HEATR5B: variants seen among roughly 807,000 people sequenced by gnomAD.
HEATR5B encodes HEAT repeat-containing protein 5B.
HEATR5B carries 156 observed loss-of-function variants against 224.1 expected under a neutral mutation model. The observed-to-expected ratio is 0.70, with a 90% CI of 0.61 to 0.80. The LOEUF (loss-of-function observed/expected upper bound fraction) is 0.80, where lower values mean the gene tolerates loss of function less well. Ranked by LOEUF, HEATR5B falls within the 30% of genes least tolerant of loss-of-function variation. HEATR5B has a pLI of 0.00. For missense variants in HEATR5B, 2,323 were observed against 2,535.5 expected, an observed-to-expected ratio of 0.92 and a Z score of 1.80; for synonymous variants, 1,027 against 893.0, an observed-to-expected ratio of 1.15 and a Z score of -2.68.
chr2:37,009,163 C>T (rs1016375335), intron 27 of HEATR5B, among the ~76,000 whole-genome samples: 1 of 143,836 alleles, frequency 7.0e-6, no homozygotes, highest in Non-Finnish European at 1.5e-5. Context: ...GAGGCTGAGG[C>T]AGGGGAATCG....
At chr2:36,988,350 A>G (rs1366369901) in intron 35 of HEATR5B, among the ~76,000 whole-genome samples, 5 of 151,698 alleles carry the variant, frequency 3.3e-5, no homozygotes, top group Non-Finnish European at 5.9e-5. Context: ...GCAACCTCCA[A>G]CTCCCGGGTC....
chr2:37,080,542 T>C (rs576141063), intron 2 of HEATR5B, among the ~76,000 whole-genome samples: 25 of 152,222 alleles, frequency 1.6e-4, no homozygotes. Flanking sequence ...AATGACTCTA[T>C]GGTTTTCCCT....
chr2:37,071,212 G>C (rs550907320), intron 6 of HEATR5B, among the ~76,000 whole-genome samples: 1 of 152,192 alleles, frequency 6.6e-6, no homozygotes, highest in Admixed American at 6.5e-5. Flanking sequence ...TCAAAGAAGT[G>C]AAATAGGGTT....
intron 20 of HEATR5B, among the ~76,000 whole-genome samples, chr2:37,039,056 C>T (rs980123158): frequency 6.6e-6 from 1 of 151,720 alleles, no homozygotes; most frequent in Non-Finnish European, 1.5e-5. Context: ...CGTGGAGGCT[C>T]GTGCCTGTAA....
intron 4 of HEATR5B, 61 bp from the exon 5 acceptor site, chr2:37,075,695 A>T: frequency 7.3e-7 from 1 of 1,371,404 alleles, no homozygotes. Context: ...AAACAAGAAC[A>T]CACCAAGACA....
intron 33 of HEATR5B, among the ~76,000 whole-genome samples, chr2:36,993,166 T>C (rs960224635): frequency 7.9e-5 from 12 of 151,938 alleles, no homozygotes; most frequent in African/African-American, 2.9e-4. Flanking sequence ...ATCTTGGGGC[T>C]AGAAAGTATG....
chr2:36,989,980 C>T (rs1024045686), intron 34 of HEATR5B, among the ~76,000 whole-genome samples: 2 of 134,750 alleles, frequency 1.5e-5, no homozygotes, highest in Non-Finnish European at 3.1e-5. Flanking sequence ...ACAATCTCAA[C>T]TCACTCCACC....
At chr2:37,013,276 T>C (rs1667905811) in intron 27 of HEATR5B, among the ~76,000 whole-genome samples, 1 of 152,218 alleles carries the variant, frequency 6.6e-6, no homozygotes, top group African/African-American at 2.4e-5. Flanking sequence ...GGAGGGCAGA[T>C]GATAAGAATT....
chr2:37,005,244 A>G lies in HEATR5B; in HGVS notation c.4905+388T>C, dbSNP rs535857519. ...TTTCTGAGAGGAAAACCCGTCCCGCATGTGTTGCCTCACTAATTCCTCTTG... is the reference window on the plus strand; with the variant it reads ...TTTCTGAGAGGAAAACCCGTCCCGCGTGTGTTGCCTCACTAATTCCTCTTG... On this transcript the variant is annotated intron_variant, in intron 30 of 35. Coordinates refer to ENST00000233099, the MANE Select transcript of HEATR5B (RefSeq NM_019024.3). 2.6e-5 allele frequency among the ~76,000 whole-genome samples: 4 copies of G among 152,266 alleles called. No homozygotes were observed. In the South Asian group the frequency reaches 8.3e-4, roughly 32 times the overall value.
intron 21 of HEATR5B, among the ~76,000 whole-genome samples, chr2:37,036,658 C>T (rs771834049): frequency 6.6e-6 from 1 of 151,900 alleles, no homozygotes; most frequent in Non-Finnish European, 1.5e-5. Context: ...ATTATAGGCA[C>T]CCGCCACCAC....
At chr2:37,069,036 G>T in intron 7 of HEATR5B, 106 bp from the exon 8 acceptor site, 1 of 1,170,706 alleles carries the variant, frequency 8.5e-7, no homozygotes, top group South Asian at 1.6e-5. Context: ...TGAATGAATT[G>T]TATTTGAGGC....
intron 19 of HEATR5B, 126 bp downstream of exon 19, chr2:37,041,007 A>G (rs1252400875): frequency 1.4e-5 from 10 of 701,498 alleles, no homozygotes; most frequent in African/African-American, 3.6e-5. Context: ...GCTATGTACT[A>G]TTACAAAAAC....
intron 6 of HEATR5B, among the ~76,000 whole-genome samples, chr2:37,071,292 G>A (rs926246185): frequency 6.6e-6 from 1 of 152,160 alleles, no homozygotes; most frequent in Non-Finnish European, 1.5e-5. Context: ...TGATACAGAG[G>A]TGGGGTAGAG....
intron 33 of HEATR5B, among the ~76,000 whole-genome samples, chr2:37,000,091 C>G (rs1032443484): frequency 6.6e-6 from 1 of 151,778 alleles, no homozygotes; most frequent in Non-Finnish European, 1.5e-5. Flanking sequence ...TTTTTTGAGA[C>G]AGAGTTTCAA....
chr2:36,992,451 C>T (rs919350368), intron 33 of HEATR5B, among the ~76,000 whole-genome samples: 3 of 151,506 alleles, frequency 2.0e-5, no homozygotes, highest in Non-Finnish European at 2.9e-5. Flanking sequence ...CTTGGTGGTG[C>T]ATGCCTGCAG....
chr2:36,993,289 C>A (rs1666460294), intron 33 of HEATR5B, among the ~76,000 whole-genome samples: 1 of 151,932 alleles, frequency 6.6e-6, no homozygotes, highest in Non-Finnish European at 1.5e-5. Context: ...TCAATCCCAA[C>A]ACTTTGGGAG....
intron 26 of HEATR5B, among the ~76,000 whole-genome samples, chr2:37,017,325 G>A (rs1192503767): frequency 2.6e-5 from 4 of 151,754 alleles, no homozygotes; most frequent in Non-Finnish European, 4.4e-5. Flanking sequence ...CTCGGGAGGC[G>A]GAGGGTGCAG....
Position 37,068,718 on chromosome 2 carries a change from T to G in HEATR5B, c.1140A>C (p.Glu380Asp), listed in dbSNP as rs1353558854. The change falls in exon 8 of 36, where the codon GAA becomes GAC. Residue 380 changes from glutamate to aspartate, a missense_variant. This residue lies in a region of HEATR5B where 502 missense variants were observed against 517.8 expected (regional missense o/e 0.97). Coordinates refer to ENST00000233099, the MANE Select transcript of HEATR5B (RefSeq NM_019024.3). ...TTTGTTTTCCAATAGCTTGGCAGAT[T>G]TCTTTGGCAGCTGCAATCTGGGCTT... ...GEKAQIAAAK[E>D]ICQAIGKQMK... 1.2e-6 allele frequency: 2 copies of G among 1,614,154 alleles called. No homozygotes were observed. Among genetic ancestry groups the G allele is most frequent in the South Asian group, 2.2e-5 (2 of 91,082 alleles).
chr2:37,008,890 T>TA (rs752466892), intron 27 of HEATR5B, 42 bp from the exon 28 acceptor site: 5 of 1,150,268 alleles, frequency 4.3e-6, no homozygotes, highest in Non-Finnish European at 6.3e-6. Flanking sequence ...AGGCATAAGA[T>TA]AAAAAAATAA....
Sources: gnomAD v4.1 joint callset for allele counts (sites outside exome capture counted in the v4.1 genomes callset) on GRCh38, gnomAD v4.1.1 for gene constraint, gnomAD v4.1.1 regional missense constraint, MANE v1.5 for transcripts, NCBI Gene and HGNC (gene_info 2026-07-23, HGNC 2026-07-21) for gene names.